HTD2: variants seen among roughly 807,000 people sequenced by gnomAD.
HTD2 encodes the protein hydroxyacyl-thioester dehydratase type 2, mitochondrial.
In HTD2, 1 loss-of-function variant was observed where a neutral mutation model predicts 3.1. The ratio of observed to expected loss-of-function variants is 0.32; its 90% CI spans 0.11 to 1.52. The LOEUF is 1.52. Ranked by LOEUF, HTD2 falls within the 40% of genes most tolerant of loss-of-function variation. HTD2 has a pLI of 0.39. For synonymous variants in HTD2, 50 were observed against 28.9 expected, an observed-to-expected ratio of 1.73 and a Z score of -2.34; for missense variants, 150 against 79.6, an observed-to-expected ratio of 1.88 and a Z score of -3.36.
At chr3:58,308,475 T>TA (rs2097478146) in intron 1 of HTD2, among the ~76,000 whole-genome samples, 1 of 149,100 alleles carries the variant, frequency 6.7e-6, no homozygotes, top group African/African-American at 2.5e-5. Context: ...TTTTTTTTTT[T>TA]AGTGACAGGG....
chr3:58,310,228 C>T, intron 1 of HTD2: 1 of 1,135,278 alleles, frequency 8.8e-7, no homozygotes, highest in Non-Finnish European at 1.3e-6. Flanking sequence ...ACAAAAAAAA[C>T]CCAAATAGGC....
In HTD2 at chr3:58,316,584, T is replaced by C; in HGVS notation, c.-261T>C. On this transcript the variant is annotated 5_prime_UTR_variant, in exon 3 of 5. The change abolishes an upstream ATG in the 5' untranslated region. Coordinates refer to ENST00000461393, the MANE Select transcript of HTD2 (RefSeq NM_001348712.2). The stretch of plus-strand genomic sequence containing the variant: ...GACCTTGTCAGCCATCTTGAGAATA[T>C]GTAGCAGGTATGACAGAGAGTGGGA... The C allele has an allele frequency of 1.2e-6, 2 of 1,613,724 alleles. No individual in the cohort carries two copies. Among genetic ancestry groups the C allele is most frequent in the South Asian group, 2.2e-5 (2 of 91,072 alleles).
intron 2 of HTD2, among the ~76,000 whole-genome samples, chr3:58,314,434 C>A (rs2097486037): frequency 6.6e-6 from 1 of 152,106 alleles, no homozygotes; most frequent in Non-Finnish European, 1.5e-5. Flanking sequence ...AAAACATTAA[C>A]AGACATTTTG....
In HTD2 at chr3:58,319,113, A is replaced by G. The variant is rs1361384269; in HGVS notation, c.*993A>G. 1 of 152,240 alleles carries G rather than the reference A, an allele frequency of 6.6e-6. No homozygotes were observed. The allele number at this position is 152,240 out of a possible 1,614,324, so 9.4% of individuals were successfully genotyped here. ...TGTCACTGTATTTTAACTGTGTAAC[A>G]ATTATTGAAGGCGAAAATAGAAGTT... On this transcript the variant is annotated 3_prime_UTR_variant, in exon 5 of 5. Transcript: ENST00000461393.
Position 58,316,887 on chromosome 3 carries a change from A to G in HTD2, c.-253-28A>G, listed in dbSNP as rs758175545. 13 of 1,565,832 alleles carry G rather than the reference A, an allele frequency of 8.3e-6. No individual in the cohort carries two copies. In the Admixed American group the frequency reaches 1.7e-4, roughly 20 times the overall value. Reference sequence around the variant, plus strand: ...TCATTTTGTTCTCTGTCTATGACACACTATGTATTTTCTTGATCTTTCTGC... The same window carrying G: ...TCATTTTGTTCTCTGTCTATGACACGCTATGTATTTTCTTGATCTTTCTGC... On this transcript the variant is annotated intron_variant, in intron 3 of 4. Transcript: ENST00000461393.
At chr3:58,310,270 T>C in intron 1 of HTD2, 1 of 1,458,542 alleles carries the variant, frequency 6.9e-7, no homozygotes, top group Non-Finnish European at 9.5e-7. Context: ...AAAAATAGCA[T>C]GTGCATTGGT....
chr3:58,308,513 AAACTCCTGG>A (rs2097478191), intron 1 of HTD2, among the ~76,000 whole-genome samples: 1 of 151,940 alleles, frequency 6.6e-6, no homozygotes, highest in African/African-American at 2.4e-5. Context: ...GGCTGGTCTC[AAACTCCTGG>A]CCTCCCAAAC....
chr3:58,318,154 A>C lies in HTD2; in HGVS notation c.*34A>C. The C allele has an allele frequency of 1.6e-6, 1 of 615,874 alleles. No homozygotes were observed. The highest frequency in any genetic ancestry group is 2.9e-5 in the Admixed American group (1 of 34,380). The allele number at this position is 615,874 out of a possible 1,614,324, so 38.2% of individuals were successfully genotyped here. ...TTTTAAAGATGCAACCTCAAACACC[A>C]ATGCTGTTGTTAAAGAGCCTATGGG... On this transcript the variant is annotated 3_prime_UTR_variant, in exon 5 of 5. Coordinates refer to ENST00000461393, the MANE Select transcript of HTD2 (RefSeq NM_001348712.2).
intron 2 of HTD2, among the ~76,000 whole-genome samples, chr3:58,313,950 G>A (rs1242102020): frequency 2.0e-5 from 3 of 152,372 alleles, no homozygotes; most frequent in Non-Finnish European, 4.4e-5. Context: ...ACTTTGGGAA[G>A]CCAGGGCAGG....
At chr3:58,316,453 G>A in intron 2 of HTD2, 62 bp from the exon 3 acceptor site, 1 of 1,446,218 alleles carries the variant, frequency 6.9e-7, no homozygotes, top group Non-Finnish European at 9.7e-7. Context: ...GTTGTCAAAA[G>A]TTGACAAGCA....
chr3:58,318,042 A>G lies in HTD2; in HGVS notation c.429A>G (p.Ser143=), dbSNP rs1336646719. The G allele has an allele frequency of 1.4e-6, 1 of 699,452 alleles. No individual in the cohort carries two copies. Among genetic ancestry groups the G allele is most frequent in the African/African-American group, 1.8e-5 (1 of 56,890 alleles). 43.3% of individuals were successfully genotyped at this position (699,452 alleles called of 1,614,324 possible). The change falls in exon 5 of 5, where the codon TCA becomes TCG. Residue 143 remains serine (S), a synonymous_variant. Transcript: ENST00000461393. ...GGTTCATTGCTATTATTGCAGTGTCATGTTCTGTAATAGAAAGTAAAAAGA... is the reference window on the plus strand; with the variant it reads ...GGTTCATTGCTATTATTGCAGTGTCGTGTTCTGTAATAGAAAGTAAAAAGA... ...LKRFIAIIAV[S]CSVIESKKTV...
Position 58,317,909 on chromosome 3 carries a change from A to C in HTD2, c.296A>C (p.Lys99Thr), listed in dbSNP as rs79991831. ...CTTATCTCAGCTCTCCTAGGAACTA[A>C]AATGCCAGGGCCAGGCTGTGTATTT... is the stretch of plus-strand genomic sequence containing the variant. ...NGLISALLGT[K>T]MPGPGCVFLS... Residue 99 changes from lysine to threonine, a missense_variant, in exon 5 of 5, where the codon AAA (lysine) becomes ACA (threonine). By Grantham distance (78) the Lys-to-Thr change is moderately conservative. Transcript: ENST00000461393. 5.0e-3 allele frequency: 3,550 copies of C among 703,000 alleles called. 103 individuals are homozygous for C. In the African/African-American group the frequency reaches 0.055, roughly 11 times the overall value. The allele number at this position is 703,000 out of a possible 1,614,324, so 43.5% of individuals were successfully genotyped here. A position where few individuals can be genotyped will look rare whatever the true frequency, so the allele number is the denominator to read the frequency against.
intron 1 of HTD2, chr3:58,308,030 C>A (rs560255381): frequency 6.6e-6 from 1 of 152,152 alleles, no homozygotes; most frequent in South Asian, 2.1e-4. Context: ...TTTCACTCCC[C>A]TATTTTAGGC....
chr3:58,319,771 C>G lies in HTD2; in HGVS notation c.*1651C>G, dbSNP rs2097492534. The stretch of plus-strand genomic sequence containing the variant: ...TGTTACTACTAAATGGCCATCCCAA[C>G]ACAGCCAACACTTTTGTTTCCCATT... On this transcript the variant is annotated 3_prime_UTR_variant, in exon 5 of 5. Transcript: ENST00000461393. 6.6e-6 allele frequency: 1 copy of G among 152,034 alleles called. No homozygotes were observed. The highest frequency in any genetic ancestry group is 1.5e-5 in the Non-Finnish European group (1 of 68,018). 9.4% of individuals were successfully genotyped at this position (152,034 alleles called of 1,614,324 possible). A position where few individuals can be genotyped will look rare whatever the true frequency, so the allele number is the denominator to read the frequency against.
chr3:58,315,522 A>G (rs536571614), intron 2 of HTD2, among the ~76,000 whole-genome samples: 144 of 152,298 alleles, frequency 9.5e-4, no homozygotes, highest in South Asian at 8.3e-4. Context: ...AGGTATAAAT[A>G]GGAGTAGACA....
chr3:58,317,314 C>G, intron 4 of HTD2, 126 bp from the exon 5 acceptor site: 1 of 658,598 alleles, frequency 1.5e-6, no homozygotes, highest in Non-Finnish European at 2.7e-6. Context: ...GGCTTCCTCT[C>G]AGGATGCTCT....
At chr3:58,315,225 A>G (rs2097487019) in intron 2 of HTD2, among the ~76,000 whole-genome samples, 1 of 152,190 alleles carries the variant, frequency 6.6e-6, no homozygotes, top group South Asian at 2.1e-4. Flanking sequence ...GGAATGACCT[A>G]TTTAGACACA....
chr3:58,317,877 C>A lies in HTD2; in HGVS notation c.264C>A (p.Ile88=). The part of the protein sequence containing the change: ...FGNTIVHGVL[I]NGLISALLGT... ...ATACAATTGTACATGGAGTTTTGATCAACGGACTTATCTCAGCTCTCCTAG... is the reference window on the plus strand; with the variant it reads ...ATACAATTGTACATGGAGTTTTGATAAACGGACTTATCTCAGCTCTCCTAG... The change falls in exon 5 of 5, where the codon ATC becomes ATA. Residue 88 remains isoleucine, a synonymous_variant. Transcript: ENST00000461393. 1 of 703,014 alleles carries A rather than the reference C, an allele frequency of 1.4e-6. No homozygotes were observed. Among genetic ancestry groups the A allele is most frequent in the Non-Finnish European group, 2.6e-6 (1 of 385,012 alleles). The allele number at this position is 703,014 out of a possible 1,614,324, so 43.5% of individuals were successfully genotyped here.
chr3:58,317,064 C>A, intron 4 of HTD2, 71 bp downstream of exon 4: 1 of 1,089,274 alleles, frequency 9.2e-7, no homozygotes, highest in Non-Finnish European at 1.4e-6. Context: ...ATATACACAA[C>A]TCATTTTTGT....
Sources: allele counts gnomAD v4.1 joint callset (sites outside exome capture counted in the v4.1 genomes callset), GRCh38; gene constraint gnomAD v4.1.1; transcripts MANE v1.5; gene names NCBI Gene and HGNC (gene_info 2026-07-23, HGNC 2026-07-21).